TCF24: variants seen among roughly 807,000 people sequenced by gnomAD.
TCF24 encodes the protein transcription factor 24.
A neutral mutation model predicts 9.3 loss-of-function variants in TCF24; 5 were observed. The observed-to-expected ratio is 0.54, with a 90% CI of 0.28 to 1.13. The LOEUF (loss-of-function observed/expected upper bound fraction) is 1.13, where lower values mean the gene tolerates loss of function less well. TCF24 is among the 50% of genes most tolerant of loss of function. TCF24 has a pLI of 0.09. For synonymous variants in TCF24, 110 were observed against 115.8 expected (o/e 0.95, Z 0.32); for missense variants, 220 against 236.1 (o/e 0.93, Z 0.45).
intron 3 of TCF24, among the ~76,000 whole-genome samples, chr8:66,959,684 G>A (rs968336743): frequency 6.6e-6 from 1 of 152,114 alleles, no homozygotes; most frequent in Non-Finnish European, 1.5e-5. Flanking sequence ...CACATAGTAG[G>A]AATTCAATAA....
chr8:66,961,479 G>A lies in TCF24; in HGVS notation c.287C>T (p.Thr96Ile). ...SKLDVLLLAT[T>I]YIAHLTRSLQ... ...GCTGCGGGTGAGATGCGCGATGTAG[G>A]TGGTGGCCAGCAGCAGCACGTCCAG... The change falls in exon 3 of 4, where the codon ACC becomes ATC. Residue 96 changes from threonine (T) to isoleucine (I), a missense_variant. Transcript: ENST00000563496. 4.6e-6 allele frequency: 7 copies of A among 1,528,050 alleles called. No individual in the cohort carries two copies. Among genetic ancestry groups the A allele is most frequent in the Non-Finnish European group, 6.1e-6 (7 of 1,143,974 alleles). 94.7% of individuals were successfully genotyped at this position (1,528,050 alleles called of 1,614,324 possible).
Position 66,961,714 on chromosome 8 carries a change from C to G in TCF24, c.52G>C (p.Ala18Pro). The change falls in exon 3 of 4, where the codon GCG becomes CCG. Residue 18 changes from alanine to proline, a missense_variant. Transcript: ENST00000563496. ...GSPLSASAEP[A>P]PLAAAIRDSR... is the part of the protein sequence containing the mutation. ...TCGCGGATGGCGGCGGCCAGGGGCGCGGGCTCGGCGCTGGCGCTGAGGGGG... is the reference window on the plus strand; with the variant it reads ...TCGCGGATGGCGGCGGCCAGGGGCGGGGGCTCGGCGCTGGCGCTGAGGGGG... 9.1e-7 allele frequency: 1 copy of G among 1,097,834 alleles called. No individual in the cohort carries two copies. Among genetic ancestry groups the G allele is most frequent in the East Asian group, 5.1e-5 (1 of 19,518 alleles). 68.0% of individuals were successfully genotyped at this position (1,097,834 alleles called of 1,614,324 possible).
chr8:66,957,062 C>A (rs1238434055), intron 3 of TCF24, among the ~76,000 whole-genome samples: 1 of 126,466 alleles, frequency 7.9e-6, no homozygotes, highest in Admixed American at 9.7e-5. Flanking sequence ...GCAGTAAGTC[C>A]AGATCGCACC....
chr8:66,961,579 G>A lies in TCF24; in HGVS notation c.187C>T (p.Gln63Ter). The A allele has an allele frequency of 7.0e-7, 1 of 1,422,052 alleles. No homozygotes were observed. The highest frequency in any genetic ancestry group is 9.2e-7 in the Non-Finnish European group (1 of 1,087,982). The allele number at this position is 1,422,052 out of a possible 1,614,324, so 88.1% of individuals were successfully genotyped here. ...TCCAGGAAAGCGTGCCGCAGGGTCT[G>A]CACCCGGCTGCGCTCCCGCGCCGCA... is the stretch of plus-strand genomic sequence containing the variant. ...ANAARERSRV[Q>*]TLRHAFLELQ... is the part of the protein sequence containing the mutation. The change falls in exon 3 of 4, where the codon CAG (glutamine) becomes TAG (stop). Residue 63 changes from glutamine (Q) to a stop codon, truncating the protein, a stop_gained. Coordinates refer to ENST00000563496, the MANE Select transcript of TCF24 (RefSeq NM_001193502.2). LOFTEE classifies it high-confidence loss of function.
chr8:66,953,153 G>T (rs373316236), intron 3 of TCF24, among the ~76,000 whole-genome samples: 5 of 147,670 alleles, frequency 3.4e-5, no homozygotes, highest in South Asian at 4.4e-4. Flanking sequence ...GTTAGCTGGT[G>T]ATTTTGCTCG....
intron 3 of TCF24, among the ~76,000 whole-genome samples, chr8:66,961,167 C>T (rs752269255): frequency 1.3e-5 from 2 of 152,204 alleles, no homozygotes; most frequent in African/African-American, 2.4e-5. Flanking sequence ...CTTTAAACGC[C>T]TCTCCAGCCA....
intron 3 of TCF24, among the ~76,000 whole-genome samples, chr8:66,954,371 C>T (rs1034528623): frequency 1.3e-5 from 2 of 151,964 alleles, no homozygotes; most frequent in Non-Finnish European, 2.9e-5. Context: ...TGTCAGTGTG[C>T]CCCTGCTCGG....
chr8:66,960,960 A>G (rs925868986), intron 3 of TCF24, among the ~76,000 whole-genome samples: 2 of 152,222 alleles, frequency 1.3e-5, no homozygotes, highest in African/African-American at 4.8e-5. Flanking sequence ...TCTTTCAAAT[A>G]TCCCATAAAA....
intron 3 of TCF24, among the ~76,000 whole-genome samples, chr8:66,958,673 C>A (rs914086841): frequency 1.3e-5 from 2 of 151,906 alleles, no homozygotes; most frequent in African/African-American, 4.8e-5. Flanking sequence ...ACAACAACAA[C>A]AAAAAAGCAC....
At chr8:66,958,438 G>A (rs936879264) in intron 3 of TCF24, among the ~76,000 whole-genome samples, 1 of 152,170 alleles carries the variant, frequency 6.6e-6, no homozygotes. Flanking sequence ...GCTGAGGTGG[G>A]TGGATCATGA....
rs762867301 is a variant in TCF24 at position 66,961,476 on chromosome 8, T to C, written c.290A>G (p.Tyr97Cys). The C allele has an allele frequency of 1.3e-6, 2 of 1,527,888 alleles. No homozygotes were observed. Among genetic ancestry groups the C allele is most frequent in the South Asian group, 1.2e-5 (1 of 83,044 alleles). The allele number at this position is 1,527,888 out of a possible 1,614,324, so 94.6% of individuals were successfully genotyped here. Reference sequence around the variant, plus strand: ...CAGGCTGCGGGTGAGATGCGCGATGTAGGTGGTGGCCAGCAGCAGCACGTC... The same window carrying C: ...CAGGCTGCGGGTGAGATGCGCGATGCAGGTGGTGGCCAGCAGCAGCACGTC... ...KLDVLLLATT[Y>C]IAHLTRSLQD... The change falls in exon 3 of 4, where the codon TAC (tyrosine) becomes TGC (cysteine). Residue 97 changes from tyrosine to cysteine, a missense_variant. Coordinates refer to ENST00000563496, the MANE Select transcript of TCF24 (RefSeq NM_001193502.2).
At chr8:66,952,721 T>C (rs1814078764) in intron 3 of TCF24, among the ~76,000 whole-genome samples, 1 of 150,874 alleles carries the variant, frequency 6.6e-6, no homozygotes, top group African/African-American at 2.4e-5. Context: ...TATTAATGTG[T>C]GGGAGTCTAA....
chr8:66,961,512 A>G lies in TCF24; in HGVS notation c.254T>C (p.Leu85Pro). Residue 85 changes from leucine (L) to proline (P), a missense_variant, in exon 3 of 4, where the codon CTG becomes CCG. Transcript: ENST00000563496. ...TLPSVPPDTK[L>P]SKLDVLLLAT... ...CAGCAGCAGCACGTCCAGCTTGGAC[A>G]GCTTGGTGTCGGGCGGCACGGACGG... is the stretch of plus-strand genomic sequence containing the variant. 2 of 1,519,430 alleles carry G rather than the reference A, an allele frequency of 1.3e-6. No individual in the cohort carries two copies. Among genetic ancestry groups the G allele is most frequent in the Non-Finnish European group, 1.8e-6 (2 of 1,140,452 alleles). 94.1% of individuals were successfully genotyped at this position (1,519,430 alleles called of 1,614,324 possible).
chr8:66,948,822 A>G, intron 3 of TCF24, among the ~76,000 whole-genome samples: 1 of 152,076 alleles, frequency 6.6e-6, no homozygotes, highest in East Asian at 1.9e-4. Context: ...CAGCCTCCTG[A>G]GTAGCTAGGA....
intron 3 of TCF24, among the ~76,000 whole-genome samples, chr8:66,958,593 G>A (rs759531196): frequency 1.6e-4 from 24 of 152,118 alleles, no homozygotes; most frequent in South Asian, 4.1e-4. Flanking sequence ...CATGGGAGAC[G>A]GAGGTTGCAG....
rs1465474567 is a variant in TCF24, at chr8:66,961,895, A to G, written c.-42T>C. Reference sequence around the variant, plus strand: ...CGCCCACCAGCAGCCCAACGGGGCTAAGGGCGCTCTCAAGCGAGCTCGTTT... The same window carrying G: ...CGCCCACCAGCAGCCCAACGGGGCTGAGGGCGCTCTCAAGCGAGCTCGTTT... On this transcript the variant is annotated 5_prime_UTR_variant, in exon 2 of 4. Transcript: ENST00000563496. 1.2e-6 allele frequency: 1 copy of G among 807,024 alleles called. No homozygotes were observed. The highest frequency in any genetic ancestry group is 1.5e-6 in the Non-Finnish European group (1 of 661,520). The allele number at this position is 807,024 out of a possible 1,614,324, so 50.0% of individuals were successfully genotyped here.
chr8:66,953,094 C>A (rs1187247245), intron 3 of TCF24, among the ~76,000 whole-genome samples: 1 of 145,920 alleles, frequency 6.9e-6, no homozygotes, highest in African/African-American at 2.5e-5. Context: ...AGTCCATTTA[C>A]ATTTAAAGTT....
intron 3 of TCF24, among the ~76,000 whole-genome samples, chr8:66,956,564 T>C (rs574229734): frequency 1.2e-3 from 176 of 152,142 alleles, no homozygotes; most frequent in African/African-American, 3.9e-3. Flanking sequence ...GGTTTTGCCA[T>C]GTTGGCCAGG....
intron 3 of TCF24, among the ~76,000 whole-genome samples, chr8:66,950,701 C>T (rs373436185): frequency 3.3e-5 from 5 of 150,814 alleles, no homozygotes; most frequent in South Asian, 2.1e-4. Context: ...ATTTTCACGA[C>T]ATTGATTCTT....
Sources: allele counts gnomAD v4.1 joint callset (sites outside exome capture counted in the v4.1 genomes callset), GRCh38; gene constraint gnomAD v4.1.1; transcripts MANE v1.5; gene names NCBI Gene and HGNC (gene_info 2026-07-23, HGNC 2026-07-21).